The following TRIP4 variants were observed in gnomAD, a reference collection of about 807,000 sequenced individuals.
TRIP4 encodes the protein thyroid hormone receptor interactor 4, also known as activating signal cointegrator 1.
TRIP4 carries 54 observed loss-of-function variants against 81.8 expected under a neutral mutation model. The ratio of observed to expected loss-of-function variants is 0.66; its 90% CI spans 0.53 to 0.83. TRIP4 has a LOEUF of 0.83. TRIP4 is among the 40% of genes least tolerant of loss of function. The pLI, the probability that TRIP4 is intolerant of heterozygous loss-of-function variation, is 0.00. For missense variants in TRIP4, 662 were observed against 683.6 expected (o/e 0.97, Z 0.35); for synonymous variants, 270 against 242.8 (o/e 1.11, Z -1.04).
intron 1 of TRIP4, among the ~76,000 whole-genome samples, chr15:64,390,460 CA>C (rs141752018): frequency 1.4e-3 from 175 of 122,856 alleles, no homozygotes; most frequent in African/African-American, 2.7e-3. Flanking sequence ...GACCTCGTCT[CA>C]AAAAAAAAAA....
intron 1 of TRIP4, among the ~76,000 whole-genome samples, chr15:64,392,416 T>C (rs992033444): frequency 1.3e-5 from 2 of 152,192 alleles, no homozygotes; most frequent in African/African-American, 4.8e-5. Context: ...TCAAGATGAT[T>C]AAAATGTGTA....
intron 12 of TRIP4, among the ~76,000 whole-genome samples, chr15:64,452,018 G>T (rs1226672761): frequency 2.0e-5 from 3 of 149,802 alleles, no homozygotes; most frequent in Non-Finnish European, 4.4e-5. Flanking sequence ...GAGTGCAATG[G>T]CATGAGATCT....
intron 4 of TRIP4, among the ~76,000 whole-genome samples, chr15:64,398,744 T>G (rs896303271): frequency 2.0e-5 from 3 of 152,044 alleles, no homozygotes; most frequent in Admixed American, 1.3e-4. Context: ...TAGCTCTGCT[T>G]TGTCTGAGAG....
At chr15:64,417,780 G>A (rs1891920943) in intron 8 of TRIP4, among the ~76,000 whole-genome samples, 2 of 152,182 alleles carry the variant, frequency 1.3e-5, no homozygotes, top group African/African-American at 2.4e-5. Flanking sequence ...ACATCTGTTT[G>A]GCTTTGTCAT....
At chr15:64,421,582 C>T (rs1056667264) in intron 9 of TRIP4, among the ~76,000 whole-genome samples, 16 of 151,942 alleles carry the variant, frequency 1.1e-4, no homozygotes, top group Non-Finnish European at 1.8e-4. Context: ...GTGATCCACC[C>T]GCCTCCACTT....
intron 12 of TRIP4, among the ~76,000 whole-genome samples, chr15:64,447,409 GC>G (rs1892658454): frequency 6.6e-6 from 1 of 152,148 alleles, no homozygotes; most frequent in Non-Finnish European, 1.5e-5. Flanking sequence ...AAATCACCTA[GC>G]AAGCTGTTAA....
chr15:64,403,403 C>G (rs1009019777), intron 5 of TRIP4, among the ~76,000 whole-genome samples: 4 of 152,158 alleles, frequency 2.6e-5, no homozygotes, highest in Non-Finnish European at 5.9e-5. Flanking sequence ...TCGTGTTCCA[C>G]CCGCCTCGGC....
At chr15:64,405,798 C>A (rs901358868) in intron 5 of TRIP4, among the ~76,000 whole-genome samples, 2 of 152,008 alleles carry the variant, frequency 1.3e-5, no homozygotes, top group African/African-American at 4.8e-5. Flanking sequence ...ACTTTGAAAC[C>A]AGCCTGAGCA....
intron 11 of TRIP4, among the ~76,000 whole-genome samples, chr15:64,442,309 A>G (rs936968530): frequency 1.4e-4 from 21 of 152,180 alleles, no homozygotes; most frequent in African/African-American, 3.9e-4. Flanking sequence ...GGGAGACATT[A>G]TGATGGCTTG....
At chr15:64,434,291 C>G (rs1158958243) in intron 11 of TRIP4, among the ~76,000 whole-genome samples, 1 of 151,246 alleles carries the variant, frequency 6.6e-6, no homozygotes, top group Non-Finnish European at 1.5e-5. Context: ...CCCAGCTACT[C>G]AGGAGGCTGA....
chr15:64,423,967 T>C (rs1892077410), intron 9 of TRIP4, 64 bp from the exon 10 acceptor site: 9 of 1,593,662 alleles, frequency 5.6e-6, no homozygotes, highest in Non-Finnish European at 7.7e-6. Context: ...ATTTGTTATA[T>C]ATTATGGGAT....
At chr15:64,452,852 T>G (rs893768439) in intron 12 of TRIP4, among the ~76,000 whole-genome samples, 3 of 152,132 alleles carry the variant, frequency 2.0e-5, no homozygotes, top group Non-Finnish European at 4.4e-5. Flanking sequence ...GGTAACATAC[T>G]CAAGGTTATA....
At chr15:64,390,846 T>C (rs1378668216) in intron 1 of TRIP4, among the ~76,000 whole-genome samples, 1 of 150,712 alleles carries the variant, frequency 6.6e-6, no homozygotes, top group Non-Finnish European at 1.5e-5. Context: ...AGTGAGCCAA[T>C]ATCTCACCAC....
chr15:64,395,322 A>G, intron 2 of TRIP4, 76 bp from the exon 3 acceptor site: 5 of 1,277,382 alleles, frequency 3.9e-6, no homozygotes, highest in Non-Finnish European at 5.3e-6. Context: ...ACCTTAGTTT[A>G]TTAGCTATAT....
intron 6 of TRIP4, among the ~76,000 whole-genome samples, chr15:64,406,992 C>A (rs1891637446): frequency 7.0e-6 from 1 of 142,082 alleles, no homozygotes. Flanking sequence ...AGCCCATTGA[C>A]TTCTGTTTAG....
At chr15:64,452,768 T>C (rs1053195879) in intron 12 of TRIP4, among the ~76,000 whole-genome samples, 1 of 152,058 alleles carries the variant, frequency 6.6e-6, no homozygotes, top group African/African-American at 2.4e-5. Context: ...TATCATAGAG[T>C]TGGAAGGAAC....
At chr15:64,432,236 C>G (rs1023593682) in intron 11 of TRIP4, among the ~76,000 whole-genome samples, 10 of 151,776 alleles carry the variant, frequency 6.6e-5, no homozygotes, top group African/African-American at 2.4e-4. Context: ...GGAAATATTA[C>G]CACTTTTCCA....
At chr15:64,450,615 A>G (rs1892736913) in intron 12 of TRIP4, 1 of 454,832 alleles carries the variant, frequency 2.2e-6, no homozygotes, top group East Asian at 6.9e-5. Flanking sequence ...CAAAATGTCC[A>G]TGATTGTAAG....
chr15:64,424,210 G>A (rs201341522), intron 10 of TRIP4, 55 bp downstream of exon 10: 29 of 1,600,816 alleles, frequency 1.8e-5, no homozygotes, highest in East Asian at 1.6e-4. Flanking sequence ...AGTCATTGAC[G>A]TTCATCTTCT....
Sources: allele counts gnomAD v4.1 joint callset (sites outside exome capture counted in the v4.1 genomes callset), GRCh38; gene constraint gnomAD v4.1.1; transcripts MANE v1.5; gene names NCBI Gene and HGNC (gene_info 2026-07-23, HGNC 2026-07-21).